LIFR: variants seen among roughly 807,000 people sequenced by gnomAD.
The protein encoded by LIFR is LIF receptor subunit alpha, also known as leukemia inhibitory factor receptor.
A neutral mutation model predicts 122.2 loss-of-function variants in LIFR; 84 were observed. The ratio of observed to expected loss-of-function variants is 0.69; its 90% CI spans 0.58 to 0.82. The LOEUF (loss-of-function observed/expected upper bound fraction) is 0.82, where lower values mean the gene tolerates loss of function less well. Ranked by LOEUF, LIFR falls within the 40% of genes least tolerant of loss-of-function variation. The probability of loss-of-function intolerance (pLI) is 0.00; values close to 1 mark genes in which losing one functional copy is unlikely to be tolerated. For synonymous variants in LIFR, 422 were observed against 434.7 expected (o/e 0.97, Z 0.36); for missense variants, 1,294 against 1,311.6 (o/e 0.99, Z 0.21).
At position 38,511,864 on chromosome 5, in the gene LIFR, C is replaced by T; in HGVS notation, c.662G>A (p.Arg221Lys). ...LECAIHFVEI[R>K]CYIDNLHFSG... is the part of the protein sequence containing the mutation. ...AAAATGAAGATTGTCAATGTAGCATCTAATTTCCACAAAATGAATGGCACA... is the reference window on the plus strand; with the variant it reads ...AAAATGAAGATTGTCAATGTAGCATTTAATTTCCACAAAATGAATGGCACA... The change falls in exon 6 of 20, where the codon AGA (arginine) becomes AAA (lysine). Residue 221 changes from arginine (R) to lysine (K), a missense_variant. By Grantham distance (26) the Arg-to-Lys change is conservative. Transcript: ENST00000453190. The T allele has an allele frequency of 6.2e-7, 1 of 1,614,112 alleles. No individual in the cohort carries two copies. Among genetic ancestry groups the T allele is most frequent in the African/African-American group, 1.3e-5 (1 of 75,050 alleles).
At chr5:38,517,144 G>A (rs973681546) in intron 5 of LIFR, among the ~76,000 whole-genome samples, 6 of 151,892 alleles carry the variant, frequency 4.0e-5, no homozygotes, top group Admixed American at 1.3e-4. Context: ...ACCATGGCAC[G>A]TATACACCTA....
At position 38,502,691 on chromosome 5, in the gene LIFR, A is replaced by C. The variant is rs753802711; in HGVS notation, c.1546T>G (p.Phe516Val). 1.2e-6 allele frequency: 2 copies of C among 1,613,642 alleles called. No individual in the cohort carries two copies. Among genetic ancestry groups the C allele is most frequent in the South Asian group, 2.2e-5 (2 of 91,070 alleles). The change falls in exon 11 of 20, where the codon TTC becomes GTC. Residue 516 changes from phenylalanine to valine, a missense_variant. Physicochemically the swap from Phe to Val is conservative, Grantham distance 50. Transcript: ENST00000453190. ...TFRIRCSTET[F>V]WKWSKWSNKK... ...TTGCTCCATTTGCTCCATTTCCAGA[A>C]AGTTTCAGTAGAACAACGAATCCGA...
intron 2 of LIFR, among the ~76,000 whole-genome samples, chr5:38,601,465 CAG>C (rs1750220874): frequency 6.6e-6 from 1 of 152,194 alleles, no homozygotes; most frequent in Non-Finnish European, 1.5e-5. Context: ...AAAGAGATGC[CAG>C]GTGCAGGTGG....
Position 38,530,576 on chromosome 5 carries a change from T to C in LIFR, c.72A>G (p.Ser24=). 1.2e-6 allele frequency: 2 copies of C among 1,612,562 alleles called. No homozygotes were observed. The highest frequency in any genetic ancestry group is 2.7e-5 in the African/African-American group (2 of 75,024). ...MVDNKRMRTA[S]NFQWLLSTFI... Reference sequence around the variant, plus strand: ...ATGTTGATAACAGCCACTGGAAATTTGAAGCAGTCCTCATTCTTTTATTGT... The same window carrying C: ...ATGTTGATAACAGCCACTGGAAATTCGAAGCAGTCCTCATTCTTTTATTGT... Residue 24 remains serine (S), a synonymous_variant, in exon 2 of 20, where the codon TCA becomes TCG. Transcript: ENST00000453190.
At chr5:38,603,807 A>T (rs1348003822) in intron 2 of LIFR, among the ~76,000 whole-genome samples, 3 of 152,234 alleles carry the variant, frequency 2.0e-5, no homozygotes, top group Non-Finnish European at 2.9e-5. Context: ...AGGAAGGTCA[A>T]GTCTTCAGGA....
chr5:38,506,466 T>C, intron 8 of LIFR, 37 bp downstream of exon 8: 14 of 1,613,142 alleles, frequency 8.7e-6, no homozygotes, highest in Non-Finnish European at 1.2e-5. Flanking sequence ...TCCAACGTAC[T>C]CCTTGCCATC....
intron 4 of LIFR, among the ~76,000 whole-genome samples, chr5:38,526,405 A>G (rs549833040): frequency 7.5e-5 from 11 of 146,338 alleles, no homozygotes; most frequent in Non-Finnish European, 4.5e-5. Flanking sequence ...CATGGTAAGT[A>G]CAAACTTTAC....
chr5:38,568,852 T>A (rs1749114435), intron 1 of LIFR, among the ~76,000 whole-genome samples: 1 of 152,168 alleles, frequency 6.6e-6, no homozygotes, highest in Admixed American at 6.5e-5. Flanking sequence ...CAGTAGTTTG[T>A]CAAAGAGAAG....
intron 11 of LIFR, among the ~76,000 whole-genome samples, chr5:38,500,939 A>C (rs1745141976): frequency 6.6e-6 from 1 of 152,182 alleles, no homozygotes; most frequent in Admixed American, 6.5e-5. Context: ...TGTCATGAGC[A>C]CACTTAAGCA....
At chr5:38,562,629 T>G (rs1348598540) in intron 1 of LIFR, among the ~76,000 whole-genome samples, 1 of 152,236 alleles carries the variant, frequency 6.6e-6, no homozygotes, top group East Asian at 1.9e-4. Context: ...AGAGGCATCT[T>G]GTGCAGATGG....
chr5:38,535,541 G>C (rs903843437), intron 1 of LIFR, among the ~76,000 whole-genome samples: 3 of 152,146 alleles, frequency 2.0e-5, no homozygotes, highest in Non-Finnish European at 1.5e-5. Context: ...GGCTAGGATA[G>C]AGATTGAATG....
chr5:38,498,049 A>T (rs537652736), intron 12 of LIFR, among the ~76,000 whole-genome samples: 2 of 152,214 alleles, frequency 1.3e-5, no homozygotes, highest in African/African-American at 2.4e-5. Context: ...ACTGCTTTTC[A>T]TAACAACTGC....
At chr5:38,560,162 A>C (rs564243454), upstream of LIFR, among the ~76,000 whole-genome samples, 1 of 152,094 alleles carries the variant, frequency 6.6e-6, no homozygotes, top group South Asian at 2.1e-4. Context: ...CCTGGAATAA[A>C]TTTTGGAAGC....
intron 1 of LIFR, among the ~76,000 whole-genome samples, chr5:38,547,582 T>C (rs1204838993): frequency 6.6e-6 from 1 of 152,166 alleles, no homozygotes; most frequent in Non-Finnish European, 1.5e-5. Flanking sequence ...GGTCTACATG[T>C]TATCAAAATA....
rs764162435 is a variant in LIFR, at chr5:38,476,667, CA to C, written c.*4927del. ...TTTTAGGGTATTCAGTCCCAGCAAC[CA>C]AAAAAAAAAATGTAAATCATATTTT... On this transcript the variant is annotated 3_prime_UTR_variant, in exon 20 of 20. Transcript: ENST00000453190. 5,000 of 177,384 alleles carry C rather than the reference CA, an allele frequency of 0.028. 41 individuals are homozygous for C. Among genetic ancestry groups the C allele is most frequent in the African/African-American group, 0.052 (2,121 of 40,866 alleles). 11.0% of individuals were successfully genotyped at this position (177,384 alleles called of 1,614,324 possible).
At chr5:38,509,669 G>C (rs909629948) in intron 7 of LIFR, among the ~76,000 whole-genome samples, 1 of 152,150 alleles carries the variant, frequency 6.6e-6, no homozygotes, top group Non-Finnish European at 1.5e-5. Flanking sequence ...CAAAATCCCA[G>C]ACTTCTAATT....
intron 1 of LIFR, among the ~76,000 whole-genome samples, chr5:38,567,512 T>TTATGTATTTATTTATG (rs1239875099): frequency 6.3e-4 from 93 of 146,512 alleles, no homozygotes; most frequent in African/African-American, 2.2e-3. Flanking sequence ...ATTTATTTAT[T>TTATGTATTTATTTATG]TATTTATTTA....
chr5:38,502,930 G>C (rs1745269906), intron 10 of LIFR, 131 bp from the exon 11 acceptor site: 1 of 449,728 alleles, frequency 2.2e-6, no homozygotes, highest in South Asian at 5.0e-5. Context: ...CCAACGGAAT[G>C]TCAATGAGTT....
intron 1 of LIFR, among the ~76,000 whole-genome samples, chr5:38,548,212 A>T (rs1748003503): frequency 6.6e-6 from 1 of 152,202 alleles, no homozygotes; most frequent in Non-Finnish European, 1.5e-5. Flanking sequence ...TATCCTTCAC[A>T]GAAGATATAT....
Sources: gnomAD v4.1 joint callset for allele counts (sites outside exome capture counted in the v4.1 genomes callset) on GRCh38, gnomAD v4.1.1 for gene constraint, MANE v1.5 for transcripts, NCBI Gene and HGNC (gene_info 2026-07-23, HGNC 2026-07-21) for gene names.